Variants in FRY observed in about 807,000 individuals in gnomAD.
The protein encoded by FRY is protein furry homolog.
Under a neutral mutation model 348.4 loss-of-function variants are expected in FRY, and 128 were observed. That is an observed-to-expected ratio of 0.37 (90% CI 0.32 to 0.43). The LOEUF (loss-of-function observed/expected upper bound fraction) is 0.43. FRY is among the 20% of genes least tolerant of loss of function. FRY has a pLI of 1.00. For missense variants in FRY, 2,736 were observed against 3,695.2 expected (o/e 0.74, Z 6.73); for synonymous variants, 1,370 against 1,374.7 (o/e 1.00, Z 0.08).
At chr13:32,200,547 A>G (rs1329700162) in intron 29 of FRY, among the ~76,000 whole-genome samples, 1 of 152,180 alleles carries the variant, frequency 6.6e-6, no homozygotes, top group African/African-American at 2.4e-5. Context: ...TGATCATGCC[A>G]CTGCACTCCA....
At chr13:32,155,237 T>C (rs1201203909) in intron 14 of FRY, among the ~76,000 whole-genome samples, 1 of 152,152 alleles carries the variant, frequency 6.6e-6, no homozygotes, top group African/African-American at 2.4e-5. Flanking sequence ...CAACAGAATA[T>C]AGTACATGAC....
chr13:32,239,901 T>G lies in FRY; in HGVS notation c.6687+20T>G. 1.9e-6 allele frequency: 3 copies of G among 1,609,354 alleles called. No homozygotes were observed. The highest frequency in any genetic ancestry group is 2.5e-6 in the Non-Finnish European group (3 of 1,176,686). On this transcript the variant is annotated intron_variant, in intron 46 of 60. Coordinates refer to ENST00000542859, the MANE Select transcript of FRY (RefSeq NM_023037.3). The surrounding 1 kb of genome is among the most constrained non-coding windows in gnomAD (Gnocchi z 4.3). ...GCAGAGGTAAGCTTTTTTTTTTTGT[T>G]TTTTGAGACAGGGTCTCATTATGTT...
chr13:32,100,638 T>A (rs751132232), intron 2 of FRY, among the ~76,000 whole-genome samples: 2 of 152,212 alleles, frequency 1.3e-5, no homozygotes, highest in Non-Finnish European at 2.9e-5. Context: ...AAAAATCTAC[T>A]TTCTCAGCAG....
At chr13:32,270,045 G>A (rs1368108421) in intron 55 of FRY, among the ~76,000 whole-genome samples, 1 of 152,158 alleles carries the variant, frequency 6.6e-6, no homozygotes, top group Non-Finnish European at 1.5e-5. Flanking sequence ...TTAGGCTTAA[G>A]ACAGAAAACA....
intron 51 of FRY, among the ~76,000 whole-genome samples, chr13:32,256,984 T>C (rs1006456851): frequency 2.0e-4 from 31 of 152,226 alleles, no homozygotes; most frequent in African/African-American, 7.2e-4. Context: ...CAAAATTATT[T>C]TAAAATTGTA....
intron 7 of FRY, among the ~76,000 whole-genome samples, chr13:32,130,185 C>G (rs909223834): frequency 1.3e-5 from 2 of 151,604 alleles, no homozygotes; most frequent in South Asian, 4.2e-4. Flanking sequence ...CTCAGCCTCA[C>G]GCACACCACC....
At chr13:32,241,160 T>C (rs1886478884) in intron 46 of FRY, among the ~76,000 whole-genome samples, 1 of 152,236 alleles carries the variant, frequency 6.6e-6, no homozygotes, top group Non-Finnish European at 1.5e-5. Context: ...ACAGAAGTAG[T>C]ACTGAGAGAA....
At chr13:32,217,190 G>A (rs1290637177) in intron 35 of FRY, among the ~76,000 whole-genome samples, 6 of 151,998 alleles carry the variant, frequency 3.9e-5, no homozygotes, top group Non-Finnish European at 8.8e-5. Context: ...TAATGTAGAG[G>A]GACACACCTA....
At chr13:32,096,097 C>G (rs950100368) in intron 2 of FRY, among the ~76,000 whole-genome samples, 7 of 151,826 alleles carry the variant, frequency 4.6e-5, no homozygotes, top group African/African-American at 1.5e-4. Context: ...TTCCCTTTCT[C>G]CCTTTCTTCC....
chr13:32,107,123 G>T (rs778404037), intron 3 of FRY, among the ~76,000 whole-genome samples: 1 of 152,206 alleles, frequency 6.6e-6, no homozygotes, highest in African/African-American at 2.4e-5. Flanking sequence ...TTGGGAGGCC[G>T]AGGCGGGTGG....
intron 7 of FRY, among the ~76,000 whole-genome samples, chr13:32,127,718 G>T (rs1448067296): frequency 2.6e-5 from 4 of 152,090 alleles, no homozygotes; most frequent in African/African-American, 9.7e-5. Context: ...GGCGGAGGTT[G>T]TAGTGAGCCG....
chr13:32,178,696 T>C, intron 21 of FRY, 148 bp from the exon 22 acceptor site: 4 of 696,310 alleles, frequency 5.7e-6, no homozygotes, highest in Non-Finnish European at 1.0e-5. Flanking sequence ...CTGTTTGACT[T>C]TTCATCCAAT....
chr13:32,046,022 C>T (rs1872998576), intron 1 of FRY, among the ~76,000 whole-genome samples: 3 of 152,174 alleles, frequency 2.0e-5, no homozygotes, highest in African/African-American at 7.2e-5. Flanking sequence ...CAACAATTCT[C>T]AAGTGTCCCT....
intron 36 of FRY, among the ~76,000 whole-genome samples, chr13:32,222,201 C>T (rs898547827): frequency 7.2e-5 from 11 of 152,244 alleles, no homozygotes; most frequent in Admixed American, 7.2e-4. Context: ...GATACAAGGG[C>T]CCTGAGGCTG....
chr13:32,145,122 G>T (rs570155161), intron 11 of FRY, among the ~76,000 whole-genome samples: 8 of 152,320 alleles, frequency 5.3e-5, no homozygotes, highest in Admixed American at 2.6e-4. Flanking sequence ...AAGCTTGCGG[G>T]AGAGTAACAG....
At chr13:32,229,362 T>C (rs1466210419) in intron 40 of FRY, among the ~76,000 whole-genome samples, 2 of 152,232 alleles carry the variant, frequency 1.3e-5, no homozygotes, top group African/African-American at 4.8e-5. Flanking sequence ...GGAAATCTAC[T>C]CTGTGTATGT....
chr13:32,184,263 C>A (rs886144904), intron 24 of FRY, among the ~76,000 whole-genome samples: 2 of 152,148 alleles, frequency 1.3e-5, no homozygotes, highest in African/African-American at 4.8e-5. Context: ...ACTTCCATGA[C>A]CAGAACTGGG....
In FRY at chr13:32,166,647, GC is replaced by G. The variant is rs56143190; in HGVS notation, c.1893-4364del. On this transcript the variant is annotated intron_variant, in intron 17 of 60. Coordinates refer to ENST00000542859, the MANE Select transcript of FRY (RefSeq NM_023037.3). ...GAGGAAGAACTGAGTGGAAGAGATGGCAACTGTATCTGACAGGCAGCCCTCT... is the reference window on the plus strand; with the variant it reads ...GAGGAAGAACTGAGTGGAAGAGATGGAACTGTATCTGACAGGCAGCCCTCT... Among the ~76,000 whole-genome samples, 814 of 152,282 alleles carry G rather than the reference GC, an allele frequency of 5.3e-3. 3 individuals are homozygous for G. Among genetic ancestry groups the G allele is most frequent in the Middle Eastern group, 0.02 (6 of 294 alleles).
At chr13:32,257,891 T>G in intron 51 of FRY, 3 of 1,261,196 alleles carry the variant, frequency 2.4e-6, no homozygotes, top group Non-Finnish European at 3.5e-6. Context: ...AGAAATGTTC[T>G]TGAGTATCTT....
Sources: gnomAD v4.1 joint callset for allele counts (sites outside exome capture counted in the v4.1 genomes callset) on GRCh38, gnomAD v4.1.1 for gene constraint, Gnocchi (gnomAD v3.1) non-coding constraint, MANE v1.5 for transcripts, NCBI Gene and HGNC (gene_info 2026-07-23, HGNC 2026-07-21) for gene names.